Variants in DPP10 observed in about 807,000 individuals in gnomAD.
The protein encoded by DPP10 is inactive dipeptidyl peptidase 10.
DPP10 carries 33 observed loss-of-function variants against 120.9 expected under a neutral mutation model. The ratio of observed to expected loss-of-function variants is 0.27; its 90% confidence interval spans 0.21 to 0.37. DPP10 has a LOEUF of 0.37. Among genes scored for constraint, DPP10 ranks in the 10% least tolerant of loss-of-function variants. DPP10 has a pLI of 1.00. For synonymous variants in DPP10, 337 were observed against 326.1 expected (o/e 1.03, Z -0.36); for missense variants, 816 against 942.8 (o/e 0.87, Z 1.76).
chr2:114,838,407 G>A (rs780030990), intron 1 of DPP10, among the ~76,000 whole-genome samples: 19 of 151,872 alleles, frequency 1.3e-4, no homozygotes, highest in Non-Finnish European at 2.1e-4. Flanking sequence ...GCCACCTCCC[G>A]GATTTGAGCG....
At chr2:115,795,878 C>T (rs1559163750) in intron 19 of DPP10, among the ~76,000 whole-genome samples, 1 of 152,046 alleles carries the variant, frequency 6.6e-6, no homozygotes, top group Non-Finnish European at 1.5e-5. Flanking sequence ...ATACTATTCT[C>T]TACTTACACT....
chr2:115,037,769 G>T (rs1704330464), intron 1 of DPP10, among the ~76,000 whole-genome samples: 1 of 152,154 alleles, frequency 6.6e-6, no homozygotes, highest in Non-Finnish European at 1.5e-5. Context: ...AAGGACAACG[G>T]TATCTACATT....
chr2:115,512,342 C>G (rs1379421917), intron 4 of DPP10, among the ~76,000 whole-genome samples: 2 of 152,034 alleles, frequency 1.3e-5, no homozygotes, highest in Non-Finnish European at 2.9e-5. Flanking sequence ...CCAAGCAATC[C>G]TCCCACCTAG....
intron 1 of DPP10, among the ~76,000 whole-genome samples, chr2:115,026,743 G>A (rs1703488849): frequency 6.6e-6 from 1 of 151,956 alleles, no homozygotes; most frequent in South Asian, 2.1e-4. Flanking sequence ...TATCATGTTG[G>A]CCAGGCTGCT....
intron 5 of DPP10, among the ~76,000 whole-genome samples, chr2:115,567,301 T>A (rs538220228): frequency 6.6e-6 from 1 of 152,120 alleles, no homozygotes; most frequent in Non-Finnish European, 1.5e-5. Flanking sequence ...TTTCAATCCA[T>A]TTTTAAACTC....
intron 1 of DPP10, among the ~76,000 whole-genome samples, chr2:115,194,217 T>C (rs887407190): frequency 6.6e-6 from 1 of 152,100 alleles, no homozygotes; most frequent in African/African-American, 2.4e-5. Context: ...GTTACTGGGT[T>C]AAGGAGTTTG....
chr2:115,800,762 T>A (rs1236559958), intron 19 of DPP10, among the ~76,000 whole-genome samples: 1 of 152,170 alleles, frequency 6.6e-6, no homozygotes, highest in Non-Finnish European at 1.5e-5. Context: ...ACGGCATTAT[T>A]TCTGAGGCTC....
chr2:115,376,113 G>C (rs1004672208), intron 3 of DPP10, among the ~76,000 whole-genome samples: 3 of 152,152 alleles, frequency 2.0e-5, no homozygotes, highest in Admixed American at 2.0e-4. Context: ...TGGAGCTATA[G>C]ATGGAGGCAG....
chr2:114,979,071 T>C (rs1041131941), intron 1 of DPP10, among the ~76,000 whole-genome samples: 1 of 152,070 alleles, frequency 6.6e-6, no homozygotes, highest in Non-Finnish European at 1.5e-5. Flanking sequence ...TCTCACCATA[T>C]AGTTTCATTG....
At chr2:115,543,635 G>T (rs1414054386) in intron 5 of DPP10, among the ~76,000 whole-genome samples, 3 of 150,732 alleles carry the variant, frequency 2.0e-5, no homozygotes, top group African/African-American at 7.3e-5. Flanking sequence ...CACATGCTGG[G>T]TTTTTTTTTG....
At chr2:114,796,567 T>C (rs1215930316) in intron 1 of DPP10, among the ~76,000 whole-genome samples, 1 of 152,146 alleles carries the variant, frequency 6.6e-6, no homozygotes, top group East Asian at 1.9e-4. Flanking sequence ...TTTAAGTTTT[T>C]AGGAAGTTAA....
At chr2:115,680,842 A>C (rs2090602857) in intron 5 of DPP10, among the ~76,000 whole-genome samples, 1 of 151,974 alleles carries the variant, frequency 6.6e-6, no homozygotes, top group Admixed American at 6.5e-5. Flanking sequence ...AAGAGCTTTT[A>C]GAGATCAATA....
chr2:114,880,770 A>G (rs1691536349), intron 1 of DPP10, among the ~76,000 whole-genome samples: 1 of 152,200 alleles, frequency 6.6e-6, no homozygotes, highest in African/African-American at 2.4e-5. Flanking sequence ...ACATTTAATT[A>G]CAAAAGTAAA....
chr2:115,003,188 A>AG (rs910293086), intron 1 of DPP10, among the ~76,000 whole-genome samples: 1 of 151,464 alleles, frequency 6.6e-6, no homozygotes, highest in Non-Finnish European at 1.5e-5. Context: ...AAAAAAAAAA[A>AG]AAAACAATGA....
At chr2:115,108,177 C>T (rs928570144) in intron 1 of DPP10, among the ~76,000 whole-genome samples, 1 of 152,106 alleles carries the variant, frequency 6.6e-6, no homozygotes, top group African/African-American at 2.4e-5. Context: ...TGTATCTCAA[C>T]TTACATAGAT....
chr2:115,188,849 AG>A (rs2054656045), intron 1 of DPP10, among the ~76,000 whole-genome samples: 1 of 152,136 alleles, frequency 6.6e-6, no homozygotes, highest in African/African-American at 2.4e-5. Flanking sequence ...GAAAAAAAAA[AG>A]CACACCTAAG....
chr2:115,069,962 G>T (rs1445719184), intron 1 of DPP10, among the ~76,000 whole-genome samples: 1 of 151,674 alleles, frequency 6.6e-6, no homozygotes, highest in South Asian at 2.1e-4. Context: ...GTTTATTTTG[G>T]TGTGTATTAA....
intron 1 of DPP10, among the ~76,000 whole-genome samples, chr2:114,952,038 T>C (rs773287219): frequency 7.9e-5 from 12 of 151,882 alleles, no homozygotes; most frequent in African/African-American, 1.2e-4. Flanking sequence ...GTAACTAATA[T>C]AAGTAGTTTA....
chr2:115,457,008 G>T (rs556798243), intron 3 of DPP10, among the ~76,000 whole-genome samples: 1 of 151,806 alleles, frequency 6.6e-6, no homozygotes, highest in Non-Finnish European at 1.5e-5. Context: ...TGCCATACCC[G>T]ATTTCAAAAC....
Sources: gnomAD v4.1 joint callset for allele counts (sites outside exome capture counted in the v4.1 genomes callset) on GRCh38, gnomAD v4.1.1 for gene constraint, MANE v1.5 for transcripts, NCBI Gene and HGNC (gene_info 2026-07-23, HGNC 2026-07-21) for gene names.